PRMT7: variants seen among roughly 807,000 people sequenced by gnomAD.
PRMT7 encodes the protein protein arginine N-methyltransferase 7.
In PRMT7, 75 loss-of-function variants were observed where a neutral mutation model predicts 85.4. The observed-to-expected ratio is 0.88, with a 90% CI of 0.73 to 1.06. The LOEUF (loss-of-function observed/expected upper bound fraction) is 1.06. PRMT7 is among the 50% of genes least tolerant of loss of function. The probability of loss-of-function intolerance (pLI) is 0.00; values close to 1 mark genes in which losing one functional copy is unlikely to be tolerated. For synonymous variants in PRMT7, 397 were observed against 359.5 expected (o/e 1.10, Z -1.18); for missense variants, 868 against 915.2 (o/e 0.95, Z 0.67).
intron 11 of PRMT7, 116 bp downstream of exon 11, chr16:68,346,396 A>G: frequency 6.8e-7 from 1 of 1,469,756 alleles, no homozygotes; most frequent in Non-Finnish European, 9.2e-7. Context: ...CTTGTCTATG[A>G]GTGGCTTCAG....
At position 68,352,219 on chromosome 16, in the gene PRMT7, C is replaced by CTGTGAA. The variant is rs748634329; in HGVS notation, c.1414-27_1414-26insTGAATG. ...CTCCTGGACCGAGCCCTACTGACAC[C>CTGTGAA]TGGGCCCTGCTTCTCGCCCATTCAC... On this transcript the variant is annotated intron_variant, in intron 14 of 18. Transcript: ENST00000441236. The CTGTGAA allele has an allele frequency of 8.1e-6, 13 of 1,608,792 alleles. No individual in the cohort carries two copies. In the South Asian group the frequency reaches 1.4e-4, roughly 18 times the overall value.
intron 10 of PRMT7, 70 bp from the exon 11 acceptor site, chr16:68,346,075 A>T (rs1470806168): frequency 3.1e-6 from 5 of 1,601,164 alleles, no homozygotes; most frequent in Non-Finnish European, 4.2e-6. Flanking sequence ...ACCAGTGTCC[A>T]GATTCATGCC....
intron 2 of PRMT7, among the ~76,000 whole-genome samples, chr16:68,312,950 A>G (rs1204908306): frequency 6.6e-6 from 1 of 152,104 alleles, no homozygotes; most frequent in African/African-American, 2.4e-5. Flanking sequence ...TCAGCCTCCC[A>G]AGTAGCAGGG....
intron 6 of PRMT7, 84 bp downstream of exon 6, chr16:68,329,258 A>ATTTGT: frequency 3.0e-6 from 3 of 1,011,714 alleles, no homozygotes; most frequent in Non-Finnish European, 4.6e-6. Flanking sequence ...CCTGGAACAA[A>ATTTGT]TCCAGGTCAT....
intron 6 of PRMT7, among the ~76,000 whole-genome samples, chr16:68,333,865 C>T (rs6499169): frequency 0.032 from 4,895 of 152,238 alleles, 252 homozygotes; most frequent in African/African-American, 0.11. Context: ...CTCCACCTCC[C>T]GGATTCAAGT....
At chr16:68,313,333 A>G (rs77258615) in intron 2 of PRMT7, among the ~76,000 whole-genome samples, 5,008 of 152,280 alleles carry the variant, frequency 0.033, 260 homozygotes, top group African/African-American at 0.11. Flanking sequence ...TATGAACTAC[A>G]AAACGATGAC....
chr16:68,360,250 G>C (rs368928348), downstream of PRMT7: 8 of 152,584 alleles, frequency 5.2e-5, no homozygotes, highest in African/African-American at 1.4e-4. Context: ...AGAAAGAAGA[G>C]GATGTGTTGG....
In PRMT7 at chr16:68,357,659, T is replaced by C. The variant is rs1312317328; in HGVS notation, c.*435T>C. On this transcript the variant is annotated 3_prime_UTR_variant, in exon 19 of 19. Transcript: ENST00000441236. ...GAGGATCTCCGGGTCCCTGCTCTTC[T>C]GGCTTCTGCTAGGAGGGTGGAGATG... 3 of 168,206 alleles carry C rather than the reference T, an allele frequency of 1.8e-5. No homozygotes were observed. The highest frequency in any genetic ancestry group is 1.6e-4 in the South Asian group (1 of 6,110). The allele number at this position is 168,206 out of a possible 1,614,324, so 10.4% of individuals were successfully genotyped here.
rs2085276385 is a variant in PRMT7 at position 68,340,023 on chromosome 16, C to G, written c.927+55C>G. On this transcript the variant is annotated intron_variant, in intron 9 of 18. Transcript: ENST00000441236. The stretch of plus-strand genomic sequence containing the variant: ...GTCAGGAAACTTGTCCACTGCTGTT[C>G]ATGGGAAAGTAACAGTTGAGCCTTG... 1.9e-5 allele frequency: 28 copies of G among 1,491,820 alleles called. No individual in the cohort carries two copies. In the South Asian group the frequency reaches 3.4e-4, roughly 18 times the overall value. The allele number at this position is 1,491,820 out of a possible 1,614,324, so 92.4% of individuals were successfully genotyped here.
chr16:68,346,082 T>C lies in PRMT7; in HGVS notation c.1056-63T>C, dbSNP rs1490887202. Reference sequence around the variant, plus strand: ...TACTGGAGACCAGTGTCCAGATTCATGCCCTCTGGAGACCTGTGGAGGCGC... The same window carrying C: ...TACTGGAGACCAGTGTCCAGATTCACGCCCTCTGGAGACCTGTGGAGGCGC... On this transcript the variant is annotated intron_variant, in intron 10 of 18. Coordinates refer to ENST00000441236, the MANE Select transcript of PRMT7 (RefSeq NM_019023.5). 2.5e-6 allele frequency: 4 copies of C among 1,602,790 alleles called. No individual in the cohort carries two copies. In the East Asian group the frequency reaches 6.7e-5, roughly 27 times the overall value.
intron 1 of PRMT7, 28 bp from the exon 2 acceptor site, chr16:68,312,014 A>G (rs2043823121): frequency 6.6e-6 from 1 of 151,756 alleles, no homozygotes; most frequent in Non-Finnish European, 1.5e-5. Context: ...TATTTAATAA[A>G]TTTTGTTATT....
Position 68,315,921 on chromosome 16 carries a change from CAAG to C in PRMT7, c.-56_-54del. On this transcript the variant is annotated 5_prime_UTR_variant, in exon 3 of 19. Transcript: ENST00000441236. ...GATTTCTGACAGTCAGACTTGTCCA[CAAG>C]AACTCAACTGGCAAGGCTGCTTTTC... 7.0e-7 allele frequency: 1 copy of C among 1,420,744 alleles called. No homozygotes were observed. Among genetic ancestry groups the C allele is most frequent in the Non-Finnish European group, 9.9e-7 (1 of 1,008,130 alleles). 88.0% of individuals were successfully genotyped at this position (1,420,744 alleles called of 1,614,324 possible). A position where few individuals can be genotyped will look rare whatever the true frequency, so the allele number is the denominator to read the frequency against.
intron 5 of PRMT7, among the ~76,000 whole-genome samples, chr16:68,327,600 T>C (rs1369951893): frequency 6.6e-6 from 1 of 152,150 alleles, no homozygotes; most frequent in African/African-American, 2.4e-5. Context: ...TTTCCCCTTA[T>C]CTATGGTTTC....
In PRMT7 at chr16:68,352,245, C is replaced by G; in HGVS notation, c.1414-3C>G. 1 of 1,612,768 alleles carries G rather than the reference C, an allele frequency of 6.2e-7. No homozygotes were observed. The highest frequency in any genetic ancestry group is 8.5e-7 in the Non-Finnish European group (1 of 1,179,774). On this transcript the variant is annotated splice_polypyrimidine_tract_variant and splice_region_variant and intron_variant, in intron 14 of 18. Transcript: ENST00000441236. ...TGGGCCCTGCTTCTCGCCCATTCAC[C>G]AGGTCTCTCTCCTCCTGGGCGAGCC...
intron 9 of PRMT7, among the ~76,000 whole-genome samples, chr16:68,340,919 T>C (rs943978597): frequency 6.6e-6 from 1 of 152,234 alleles, no homozygotes; most frequent in African/African-American, 2.4e-5. Flanking sequence ...CAGGGTGGAT[T>C]ATTACCTGAC....
At chr16:68,347,562 C>A in intron 12 of PRMT7, 69 bp from the exon 13 acceptor site, 2 of 1,519,134 alleles carry the variant, frequency 1.3e-6, no homozygotes, top group East Asian at 2.3e-5. Flanking sequence ...GGTCTTGTCG[C>A]ATTTTAATCT....
intron 9 of PRMT7, among the ~76,000 whole-genome samples, chr16:68,344,945 C>CACACACAT (rs1419057389): frequency 7.2e-6 from 1 of 138,230 alleles, no homozygotes; most frequent in Non-Finnish European, 1.5e-5. Flanking sequence ...CACACACACA[C>CACACACAT]ACACACACAC....
At chr16:68,314,093 A>G (rs937418779) in intron 2 of PRMT7, among the ~76,000 whole-genome samples, 1 of 152,206 alleles carries the variant, frequency 6.6e-6, no homozygotes, top group Non-Finnish European at 1.5e-5. Flanking sequence ...GGGTTATCAG[A>G]AAGTTTGAAA....
At chr16:68,328,957 A>T in intron 5 of PRMT7, 109 bp from the exon 6 acceptor site, 1 of 704,250 alleles carries the variant, frequency 1.4e-6, no homozygotes, top group East Asian at 2.8e-5. Context: ...AAAGTATTTA[A>T]GTTACATATC....
Sources: allele counts gnomAD v4.1 joint callset (sites outside exome capture counted in the v4.1 genomes callset), GRCh38; gene constraint gnomAD v4.1.1; transcripts MANE v1.5; gene names NCBI Gene and HGNC (gene_info 2026-07-23, HGNC 2026-07-21).